TTC28: variants seen among roughly 807,000 people sequenced by gnomAD.
TTC28 encodes tetratricopeptide repeat protein 28.
TTC28 carries 61 observed loss-of-function variants against 198.0 expected under a neutral mutation model. The observed-to-expected ratio is 0.31, with a 90% CI of 0.25 to 0.38. The LOEUF is 0.38. Ranked by LOEUF, TTC28 falls within the 10% of genes least tolerant of loss-of-function variation. TTC28 has a pLI of 1.00. For missense variants in TTC28, 2,678 were observed against 3,164.0 expected (o/e 0.85, Z 3.69); for synonymous variants, 1,171 against 1,297.8 (o/e 0.90, Z 2.10).
At chr22:28,235,980 T>C (rs938414299) in intron 5 of TTC28, among the ~76,000 whole-genome samples, 5 of 152,230 alleles carry the variant, frequency 3.3e-5, no homozygotes, top group African/African-American at 1.2e-4. Context: ...AGAGTCTTCA[T>C]TGACTAATGT....
rs187869913 is a variant in TTC28, at chr22:28,383,419, G to A, written c.382-76776C>T. On this transcript the variant is annotated intron_variant, in intron 2 of 22. Coordinates refer to ENST00000397906, the MANE Select transcript of TTC28 (RefSeq NM_001145418.2). ...TTGTGATTTCAGGGTAACTGGCTACGGTTATAATATACATCTCACAAATTT... is the reference window on the plus strand; with the variant it reads ...TTGTGATTTCAGGGTAACTGGCTACAGTTATAATATACATCTCACAAATTT... 3.1e-3 allele frequency among the ~76,000 whole-genome samples: 468 copies of A among 152,150 alleles called. 4 individuals carry two copies. Among genetic ancestry groups the A allele is most frequent in the Non-Finnish European group, 4.6e-3 (314 of 67,992 alleles).
chr22:28,419,805 A>C (rs2047220841), intron 2 of TTC28, among the ~76,000 whole-genome samples: 1 of 152,242 alleles, frequency 6.6e-6, no homozygotes, highest in Non-Finnish European at 1.5e-5. Flanking sequence ...TCTTCCAAGT[A>C]ACATAAATAG....
At chr22:28,137,163 G>A (rs1054685031) in intron 6 of TTC28, among the ~76,000 whole-genome samples, 2 of 152,128 alleles carry the variant, frequency 1.3e-5, no homozygotes, top group Admixed American at 6.5e-5. Flanking sequence ...CCCCTATGGA[G>A]AGACCTATCC....
chr22:28,363,408 G>A (rs1450833792), intron 2 of TTC28, among the ~76,000 whole-genome samples: 1 of 152,218 alleles, frequency 6.6e-6, no homozygotes, highest in Non-Finnish European at 1.5e-5. Flanking sequence ...GGAAACACCT[G>A]GATGCCCAGG....
At chr22:28,017,605 G>A (rs1177880321) in intron 13 of TTC28, among the ~76,000 whole-genome samples, 3 of 152,178 alleles carry the variant, frequency 2.0e-5, no homozygotes, top group Admixed American at 1.3e-4. Flanking sequence ...GGAGTCATGC[G>A]GACAGAGGGC....
chr22:28,272,193 T>C (rs1175001747), intron 5 of TTC28, among the ~76,000 whole-genome samples: 2 of 152,228 alleles, frequency 1.3e-5, no homozygotes, highest in East Asian at 1.9e-4. Flanking sequence ...TGGTGCTTCA[T>C]AGATGTTCCC....
intron 2 of TTC28, among the ~76,000 whole-genome samples, chr22:28,339,365 C>T (rs2045789664): frequency 6.6e-6 from 1 of 152,196 alleles, no homozygotes; most frequent in Non-Finnish European, 1.5e-5. Context: ...GGCAGTCTGT[C>T]CATTCTCAGA....
intron 5 of TTC28, among the ~76,000 whole-genome samples, chr22:28,188,638 T>TG (rs749781098): frequency 3.9e-5 from 6 of 152,114 alleles, no homozygotes; most frequent in African/African-American, 1.2e-4. Context: ...AACAGGGCCG[T>TG]GGGGGGTCAG....
In TTC28 at chr22:27,978,930, A is replaced by G. The variant is rs1407177357; in HGVS notation, c.*3291T>C. On this transcript the variant is annotated 3_prime_UTR_variant, in exon 23 of 23. Coordinates refer to ENST00000397906, the MANE Select transcript of TTC28 (RefSeq NM_001145418.2). The stretch of plus-strand genomic sequence containing the variant: ...TGCCAGTTTCCTGAGCTAAAAGGAA[A>G]TATATGCAATGCTTTCTGCAAATGG... 6.6e-6 allele frequency: 1 copy of G among 152,154 alleles called. No homozygotes were observed. The highest frequency in any genetic ancestry group is 2.4e-5 in the African/African-American group (1 of 41,442). 9.4% of individuals were successfully genotyped at this position (152,154 alleles called of 1,614,324 possible).
chr22:28,564,313 T>C (rs556032224), intron 2 of TTC28, among the ~76,000 whole-genome samples: 19 of 152,190 alleles, frequency 1.2e-4, no homozygotes, highest in Non-Finnish European at 2.6e-4. Flanking sequence ...AGTGTAAAAT[T>C]TTTTAATAAA....
At chr22:28,076,308 C>T (rs918205486) in intron 12 of TTC28, among the ~76,000 whole-genome samples, 2 of 152,184 alleles carry the variant, frequency 1.3e-5, no homozygotes, top group African/African-American at 4.8e-5. Flanking sequence ...ATGGCATAGT[C>T]ACCAGTGCAT....
chr22:28,168,011 T>C (rs1394489166), intron 5 of TTC28, among the ~76,000 whole-genome samples: 1 of 152,144 alleles, frequency 6.6e-6, no homozygotes, highest in Non-Finnish European at 1.5e-5. Context: ...ATCACAAGCA[T>C]TCCTATACAC....
intron 6 of TTC28, among the ~76,000 whole-genome samples, chr22:28,158,003 A>G (rs1003199515): frequency 6.6e-6 from 1 of 152,148 alleles, no homozygotes; most frequent in Non-Finnish European, 1.5e-5. Flanking sequence ...ACATGATATT[A>G]TACTTGGAAA....
chr22:28,593,528 G>A (rs930381701), intron 2 of TTC28, among the ~76,000 whole-genome samples: 1 of 152,014 alleles, frequency 6.6e-6, no homozygotes, highest in African/African-American at 2.4e-5. Context: ...TAGGTGGATC[G>A]ATCAATCAAT....
At chr22:28,510,852 T>C (rs1323201870) in intron 2 of TTC28, among the ~76,000 whole-genome samples, 3 of 151,746 alleles carry the variant, frequency 2.0e-5, no homozygotes, top group African/African-American at 7.3e-5. Context: ...AGCATTCCTA[T>C]ACACCAATAA....
At position 28,252,003 on chromosome 22, in the gene TTC28, G is replaced by A. The variant is rs1276849430; in HGVS notation, c.933+44195C>T. ...AGGAAATTAAGTTGTATTATATATA[G>A]CGGGGACATTACTCAGGAATAGCCA... On this transcript the variant is annotated intron_variant, in intron 5 of 22. Coordinates refer to ENST00000397906, the MANE Select transcript of TTC28 (RefSeq NM_001145418.2). Among the ~76,000 whole-genome samples, 8 of 152,066 alleles carry A rather than the reference G, an allele frequency of 5.3e-5. No homozygotes were observed. In the South Asian group the frequency reaches 1.2e-3, roughly 24 times the overall value.
chr22:28,448,961 AGAT>A (rs1158870210), intron 2 of TTC28, among the ~76,000 whole-genome samples: 18 of 152,290 alleles, frequency 1.2e-4, no homozygotes, highest in Non-Finnish European at 2.4e-4. Context: ...AAAATGAACC[AGAT>A]GATTTTGCCC....
intron 2 of TTC28, among the ~76,000 whole-genome samples, chr22:28,628,441 TTGTG>T (rs1319129322): frequency 6.6e-6 from 1 of 152,216 alleles, no homozygotes; most frequent in East Asian, 1.9e-4. Flanking sequence ...GTAACCCTTT[TTGTG>T]TGTGTTTGTG....
intron 3 of TTC28, chr22:28,303,926 T>C (rs1403390635): frequency 5.3e-5 from 8 of 149,828 alleles, no homozygotes; most frequent in Non-Finnish European, 1.2e-4. Flanking sequence ...TGACCCAAAC[T>C]GCACAGCTCT....
Sources: gnomAD v4.1 joint callset for allele counts (sites outside exome capture counted in the v4.1 genomes callset) on GRCh38, gnomAD v4.1.1 for gene constraint, MANE v1.5 for transcripts, NCBI Gene and HGNC (gene_info 2026-07-23, HGNC 2026-07-21) for gene names.